The following LRRTM4 variants were observed in gnomAD, a reference collection of about 807,000 sequenced individuals.
LRRTM4 encodes the protein leucine rich repeat transmembrane neuronal 4.
LRRTM4 carries 25 observed loss-of-function variants against 47.6 expected under a neutral mutation model. The observed-to-expected ratio is 0.53, with a 90% CI of 0.38 to 0.73. The LOEUF (loss-of-function observed/expected upper bound fraction) is 0.73. LRRTM4 is among the 30% of genes least tolerant of loss of function. LRRTM4 has a pLI of 0.00. For synonymous variants in LRRTM4, 311 were observed against 269.5 expected (o/e 1.15, Z -1.51); for missense variants, 638 against 713.4 (o/e 0.89, Z 1.20).
intron 3 of LRRTM4, among the ~76,000 whole-genome samples, chr2:76,840,294 T>A (rs1035667508): frequency 6.6e-6 from 1 of 152,238 alleles, no homozygotes; most frequent in African/African-American, 2.4e-5. Context: ...AAGTTTCAAA[T>A]GTATCTCCAC....
At chr2:77,292,166 A>T (rs1207452012) in intron 3 of LRRTM4, among the ~76,000 whole-genome samples, 1 of 150,862 alleles carries the variant, frequency 6.6e-6, no homozygotes, top group Admixed American at 6.6e-5. Flanking sequence ...CACACCAGTT[A>T]GAATGGCAAT....
intron 3 of LRRTM4, among the ~76,000 whole-genome samples, chr2:76,779,800 C>CATT (rs1388188072): frequency 2.0e-5 from 3 of 152,132 alleles, no homozygotes; most frequent in Non-Finnish European, 4.4e-5. Flanking sequence ...TTGATCTTAT[C>CATT]ATTATGATGT....
intron 3 of LRRTM4, among the ~76,000 whole-genome samples, chr2:77,279,966 C>T (rs1442663775): frequency 3.3e-5 from 5 of 151,852 alleles, no homozygotes; most frequent in African/African-American, 1.2e-4. Context: ...TATAATACTC[C>T]CCACTCGAAG....
At chr2:76,873,495 T>TAC (rs1672689362) in intron 3 of LRRTM4, among the ~76,000 whole-genome samples, 1 of 105,482 alleles carries the variant, frequency 9.5e-6, no homozygotes, top group Non-Finnish European at 1.8e-5. Context: ...TGTGTGTGTA[T>TAC]ATATATGTGT....
chr2:76,819,645 C>G (rs578208266), intron 3 of LRRTM4, among the ~76,000 whole-genome samples: 1 of 151,870 alleles, frequency 6.6e-6, no homozygotes, highest in African/African-American at 2.4e-5. Context: ...AACAGTAATA[C>G]TTGCTTACTT....
chr2:76,765,700 C>T (rs1249252629), intron 3 of LRRTM4, among the ~76,000 whole-genome samples: 4 of 152,198 alleles, frequency 2.6e-5, no homozygotes. Flanking sequence ...CTTGCTATCA[C>T]CTTAAGCTTG....
chr2:77,449,356 T>C (rs1397329640), intron 3 of LRRTM4, among the ~76,000 whole-genome samples: 1 of 152,214 alleles, frequency 6.6e-6, no homozygotes, highest in East Asian at 1.9e-4. Context: ...ATTTATCTCA[T>C]GTTTTAAATA....
At chr2:76,807,411 T>TACACACAC (rs1670527109) in intron 3 of LRRTM4, among the ~76,000 whole-genome samples, 1 of 86,046 alleles carries the variant, frequency 1.2e-5, no homozygotes, top group Non-Finnish European at 2.0e-5. Flanking sequence ...TATATACGTA[T>TACACACAC]ATATATATAT....
At chr2:77,046,526 C>A (rs540069207) in intron 3 of LRRTM4, among the ~76,000 whole-genome samples, 1 of 151,952 alleles carries the variant, frequency 6.6e-6, no homozygotes, top group Admixed American at 6.6e-5. Context: ...TGATGATGTC[C>A]CTGGAGGAGC....
chr2:76,920,694 G>A (rs17013340), intron 3 of LRRTM4, among the ~76,000 whole-genome samples: 55,841 of 151,822 alleles, frequency 0.37, 11,173 homozygotes, highest in East Asian at 0.72. Flanking sequence ...TGCTACAGCA[G>A]TAAGTAAAAT....
intron 3 of LRRTM4, among the ~76,000 whole-genome samples, chr2:77,104,969 G>C (rs56779577): frequency 0.03 from 4,567 of 151,996 alleles, 231 homozygotes; most frequent in African/African-American, 0.1. Flanking sequence ...AAAATGGCAA[G>C]AGAGTTCAAG....
chr2:77,260,553 CA>C (rs1675893833), intron 3 of LRRTM4, among the ~76,000 whole-genome samples: 1 of 151,982 alleles, frequency 6.6e-6, no homozygotes, highest in South Asian at 2.1e-4. Context: ...TTAACTACCA[CA>C]ACATTATGAA....
intron 3 of LRRTM4, among the ~76,000 whole-genome samples, chr2:77,473,729 T>C (rs1677276699): frequency 6.6e-6 from 1 of 152,172 alleles, no homozygotes; most frequent in Non-Finnish European, 1.5e-5. Context: ...ATAAAGTTAC[T>C]GCCAGGGGTA....
chr2:76,948,369 A>C lies in LRRTM4; in HGVS notation c.1552-199453T>G, dbSNP rs142065282. On this transcript the variant is annotated intron_variant, in intron 3 of 3. Coordinates refer to ENST00000409884, the MANE Select transcript of LRRTM4 (RefSeq NM_001134745.3). ...TGTGGGTTTTGTCAGGTGAAGACAA[A>C]TGTCTTGCCTTTTAGTGTTTTTCTT... 7.4e-3 allele frequency among the ~76,000 whole-genome samples: 1,118 copies of C among 151,986 alleles called. 30 individuals are homozygous for C. Among genetic ancestry groups the C allele is most frequent in the South Asian group, 0.069 (331 of 4,826 alleles).
intron 3 of LRRTM4, among the ~76,000 whole-genome samples, chr2:76,795,519 G>C (rs1021714266): frequency 6.6e-6 from 1 of 151,706 alleles, no homozygotes; most frequent in Non-Finnish European, 1.5e-5. Flanking sequence ...AAATATGAGA[G>C]CACTACATAT....
intron 3 of LRRTM4, among the ~76,000 whole-genome samples, chr2:76,771,626 C>A (rs1362696769): frequency 7.1e-6 from 1 of 141,110 alleles, no homozygotes; most frequent in East Asian, 2.1e-4. Context: ...ACCTCAAATT[C>A]TTGCCAGGTG....
intron 3 of LRRTM4, among the ~76,000 whole-genome samples, chr2:77,366,232 T>C (rs1672452154): frequency 6.6e-6 from 1 of 151,894 alleles, no homozygotes; most frequent in African/African-American, 2.4e-5. Flanking sequence ...TATTAACAGA[T>C]CTAATGGTCA....
intron 3 of LRRTM4, among the ~76,000 whole-genome samples, chr2:76,887,683 A>G (rs960166707): frequency 7.5e-6 from 1 of 133,044 alleles, no homozygotes; most frequent in Non-Finnish European, 1.6e-5. Context: ...ATATGTGCAC[A>G]TATGTCAAAA....
intron 3 of LRRTM4, among the ~76,000 whole-genome samples, chr2:77,135,148 C>T (rs1189275125): frequency 6.6e-6 from 1 of 152,182 alleles, no homozygotes; most frequent in African/African-American, 2.4e-5. Flanking sequence ...AGATCAGCAT[C>T]CTTCCAACTC....
Sources: allele counts gnomAD v4.1 joint callset (sites outside exome capture counted in the v4.1 genomes callset), GRCh38; gene constraint gnomAD v4.1.1; transcripts MANE v1.5; gene names NCBI Gene and HGNC (gene_info 2026-07-23, HGNC 2026-07-21).